The following CELF2 variants were observed in gnomAD, a reference collection of about 807,000 sequenced individuals.
CELF2 encodes CUGBP Elav-like family member 2.
A neutral mutation model predicts 62.6 loss-of-function variants in CELF2; 8 were observed. That is an observed-to-expected ratio of 0.13 (90% CI 0.07 to 0.23). The LOEUF (loss-of-function observed/expected upper bound fraction) is 0.23, where lower values mean the gene tolerates loss of function less well. CELF2 is among the 10% of genes least tolerant of loss of function. The probability of loss-of-function intolerance (pLI) is 1.00; values close to 1 mark genes in which losing one functional copy is unlikely to be tolerated. For missense variants in CELF2, 333 were observed against 671.0 expected (o/e 0.50, Z 5.56); for synonymous variants, 258 against 250.0 (o/e 1.03, Z -0.30).
the CELF2 span, among the ~76,000 whole-genome samples, chr10:10,773,757 T>A: frequency 6.6e-6 from 1 of 152,362 alleles, no homozygotes; most frequent in Non-Finnish European, 1.5e-5. Context: ...TGGGATTTTT[T>A]AATCTCTCAA....
At chr10:10,571,074 A>G in the CELF2 span, among the ~76,000 whole-genome samples, 1 of 152,208 alleles carries the variant, frequency 6.6e-6, no homozygotes, top group Non-Finnish European at 1.5e-5. Flanking sequence ...GAAACAGGCA[A>G]TTACATAACC....
At chr10:10,703,430 C>T in the CELF2 span, among the ~76,000 whole-genome samples, 2 of 152,240 alleles carry the variant, frequency 1.3e-5, no homozygotes, top group African/African-American at 4.8e-5. Context: ...AACAGTGAGA[C>T]TGTCTTTCTA....
At chr10:10,924,303 A>C (rs2065234428) in intron 2 of CELF2, among the ~76,000 whole-genome samples, 1 of 150,402 alleles carries the variant, frequency 6.6e-6, no homozygotes, top group Non-Finnish European at 1.5e-5. Context: ...AAAAAAAAAA[A>C]AAAAAAAGAT....
chr10:11,079,106 C>G (rs768008370), intron 1 of CELF2, among the ~76,000 whole-genome samples: 1 of 152,128 alleles, frequency 6.6e-6, no homozygotes, highest in Non-Finnish European at 1.5e-5. Context: ...CCTACCCTCT[C>G]TGGAGTTTTA....
chr10:10,510,041 C>T, the CELF2 span, among the ~76,000 whole-genome samples: 2 of 152,244 alleles, frequency 1.3e-5, no homozygotes, highest in African/African-American at 4.8e-5. Context: ...CTGAACCTAT[C>T]TGTTCTTGCC....
At chr10:10,828,542 C>T (rs550361212) in intron 1 of CELF2, among the ~76,000 whole-genome samples, 3 of 152,184 alleles carry the variant, frequency 2.0e-5, no homozygotes, top group South Asian at 2.1e-4. Context: ...TTAATGGGGA[C>T]AGAATTTCAG....
intron 1 of CELF2, among the ~76,000 whole-genome samples, chr10:10,869,397 A>T (rs1426730396): frequency 6.6e-6 from 1 of 152,090 alleles, no homozygotes; most frequent in East Asian, 1.9e-4. Flanking sequence ...CCCCATCTCT[A>T]CTAAAAATAC....
chr10:10,819,449 C>A (rs564791033), intron 1 of CELF2, among the ~76,000 whole-genome samples: 1 of 152,200 alleles, frequency 6.6e-6, no homozygotes, highest in African/African-American at 2.4e-5. Flanking sequence ...CCAGGGTTAC[C>A]AATGCCAAAT....
At chr10:10,992,315 C>T (rs1005298651) in intron 2 of CELF2, among the ~76,000 whole-genome samples, 1 of 152,054 alleles carries the variant, frequency 6.6e-6, no homozygotes, top group African/African-American at 2.4e-5. Flanking sequence ...TGTTCTGGGA[C>T]CCAGGTGGAA....
the CELF2 span, among the ~76,000 whole-genome samples, chr10:10,483,214 CAA>C: frequency 0.25 from 23,117 of 93,452 alleles, 1,815 homozygotes; most frequent in South Asian, 0.36. Flanking sequence ...GGCAGAATAC[CAA>C]AAAAAAAAAA....
the CELF2 span, among the ~76,000 whole-genome samples, chr10:10,465,198 A>G: frequency 6.6e-6 from 1 of 152,172 alleles, no homozygotes; most frequent in Admixed American, 6.6e-5. Context: ...CAGTTGCTCA[A>G]TTTATTATAA....
chr10:11,055,165 A>G (rs2064948504), intron 1 of CELF2, among the ~76,000 whole-genome samples: 1 of 152,250 alleles, frequency 6.6e-6, no homozygotes, highest in African/African-American at 2.4e-5. Context: ...ACTGGAAAAC[A>G]AGTTGATGGG....
rs904423092 is a variant in CELF2 at position 11,145,548 on chromosome 10, A to G, written c.75-19938A>G. On this transcript the variant is annotated intron_variant, in intron 1 of 12. Transcript: ENST00000633077. The surrounding 1 kb of genome is among the most constrained non-coding windows in gnomAD (Gnocchi z 4.3). ...AGGATAGAATTTTTCTGGGAAATCT[A>G]TATTCTCAAATCAGCTACTGAAAAG... Among the ~76,000 whole-genome samples the G allele has an allele frequency of 7.2e-5, 11 of 152,226 alleles. No individual in the cohort carries two copies. Among genetic ancestry groups the G allele is most frequent in the African/African-American group, 1.7e-4 (7 of 41,450 alleles).
the CELF2 span, among the ~76,000 whole-genome samples, chr10:10,755,224 T>C: frequency 0.16 from 25,064 of 152,194 alleles, 2,513 homozygotes; most frequent in East Asian, 0.31. Flanking sequence ...AACCTCTTAT[T>C]GTTTTACACC....
chr10:11,058,483 T>G (rs1465856667), intron 1 of CELF2, among the ~76,000 whole-genome samples: 11 of 148,268 alleles, frequency 7.4e-5, no homozygotes, highest in East Asian at 2.0e-4. Flanking sequence ...TTTTTTTTTT[T>G]TGTGATGGAG....
chr10:11,280,039 C>T lies in CELF2; in HGVS notation c.841+4919C>T, dbSNP rs1465839766. ...TCGGAAAGGAACCGTTTGCCAAGCA[C>T]GCGCCCTTGCCTCTCGGTCTGGTGC... On this transcript the variant is annotated intron_variant, in intron 8 of 12. Transcript: ENST00000633077. The surrounding 1 kb of genome is among the most constrained non-coding windows in gnomAD (Gnocchi z 7.6). 2.6e-5 allele frequency among the ~76,000 whole-genome samples: 4 copies of T among 152,150 alleles called. No individual in the cohort carries two copies. The highest frequency in any genetic ancestry group is 2.9e-5 in the Non-Finnish European group (2 of 68,026).
chr10:11,294,997 CTT>C (rs10569275), intron 9 of CELF2, among the ~76,000 whole-genome samples: 103,721 of 152,012 alleles, frequency 0.68, 38,707 homozygotes, highest in East Asian at 0.88. Flanking sequence ...TGTTTACACT[CTT>C]ATTGCTGCAG....
chr10:10,682,171 T>C, the CELF2 span, among the ~76,000 whole-genome samples: 1 of 152,180 alleles, frequency 6.6e-6, no homozygotes, highest in African/African-American at 2.4e-5. Context: ...CTTATTTGCG[T>C]AGATGTAGTA....
the CELF2 span, among the ~76,000 whole-genome samples, chr10:10,659,956 G>A: frequency 1.3e-5 from 2 of 152,168 alleles, no homozygotes; most frequent in African/African-American, 4.8e-5. Context: ...AGAGAGAGGT[G>A]GCGTGACGAC....
Sources: gnomAD v4.1 joint callset for allele counts (sites outside exome capture counted in the v4.1 genomes callset) on GRCh38, gnomAD v4.1.1 for gene constraint, Gnocchi (gnomAD v3.1) non-coding constraint, MANE v1.5 for transcripts, NCBI Gene and HGNC (gene_info 2026-07-23, HGNC 2026-07-21) for gene names.